Variants in ABCD2 observed in about 807,000 individuals in gnomAD.
ABCD2 encodes ATP binding cassette subfamily D member 2, also known as ATP-binding cassette sub-family D member 2.
ABCD2 carries 36 observed loss-of-function variants against 70.9 expected under a neutral mutation model. The ratio of observed to expected loss-of-function variants is 0.51; its 90% CI spans 0.39 to 0.67. The LOEUF is 0.67. Among genes scored for constraint, ABCD2 ranks in the 30% least tolerant of loss-of-function variants. The pLI is 0.00. For synonymous variants in ABCD2, 304 were observed against 306.9 expected (o/e 0.99, Z 0.10); for missense variants, 729 against 890.2 (o/e 0.82, Z 2.30).
At chr12:39,559,116 T>C (rs1941213414) in intron 9 of ABCD2, among the ~76,000 whole-genome samples, 1 of 152,136 alleles carries the variant, frequency 6.6e-6, no homozygotes. Flanking sequence ...CTCATGCCTG[T>C]AATCCCATCA....
chr12:39,577,557 T>A (rs11172676), intron 8 of ABCD2, among the ~76,000 whole-genome samples: 11,197 of 152,192 alleles, frequency 0.074, 598 homozygotes, highest in South Asian at 0.28. Context: ...AATTAAGAGA[T>A]GTAACAATAA....
chr12:39,561,942 T>C (rs1337753307), intron 9 of ABCD2, among the ~76,000 whole-genome samples: 1 of 152,154 alleles, frequency 6.6e-6, no homozygotes, highest in Non-Finnish European at 1.5e-5. Flanking sequence ...TGTAATGCCA[T>C]AAAACAAGTC....
chr12:39,559,647 C>T (rs1277820571), intron 9 of ABCD2, among the ~76,000 whole-genome samples: 1 of 151,834 alleles, frequency 6.6e-6, no homozygotes, highest in Admixed American at 6.6e-5. Flanking sequence ...AAAAATAACA[C>T]ATAAGGGAGT....
At chr12:39,532,042 A>G in the ABCD2 span, among the ~76,000 whole-genome samples, 1 of 152,240 alleles carries the variant, frequency 6.6e-6, no homozygotes, top group Non-Finnish European at 1.5e-5. Context: ...AGGTGGATTA[A>G]CAGGTATTGT....
chr12:39,536,596 G>T, the ABCD2 span, among the ~76,000 whole-genome samples: 1 of 152,188 alleles, frequency 6.6e-6, no homozygotes, highest in African/African-American at 2.4e-5. Context: ...GTAAAATGGG[G>T]AGGAGAGTTT....
In ABCD2 at chr12:39,607,579, A is replaced by G. The variant is rs1455141208; in HGVS notation, c.1236+20T>C. On this transcript the variant is annotated intron_variant, in intron 3 of 9. Transcript: ENST00000308666. ...CATAAATTTTATTTTAATTGAATTG[A>G]CAATAAGAAATGCAAGTACCTCTTT... is the stretch of plus-strand genomic sequence containing the variant. 1 of 1,510,584 alleles carries G rather than the reference A, an allele frequency of 6.6e-7. No homozygotes were observed. Among genetic ancestry groups the G allele is most frequent in the Non-Finnish European group, 9.1e-7 (1 of 1,098,184 alleles). 93.6% of individuals were successfully genotyped at this position (1,510,584 alleles called of 1,614,324 possible).
chr12:39,559,183 A>G lies in ABCD2; in HGVS notation c.2004-5052T>C, dbSNP rs139586756. On this transcript the variant is annotated intron_variant, in intron 9 of 9. Coordinates refer to ENST00000308666, the MANE Select transcript of ABCD2 (RefSeq NM_005164.4). ...AGGTCAGGAGTTCAAGACCAGCCTG[A>G]CCAACCTGGTGAAACCCTGTCTCTA... 5.5e-4 allele frequency among the ~76,000 whole-genome samples: 84 copies of G among 151,656 alleles called. No homozygotes were observed. The East Asian group carries it at 7.6e-3, about 14-fold the overall frequency.
chr12:39,553,477 A>G lies in ABCD2; in HGVS notation c.*435T>C, dbSNP rs1941116940. The G allele has an allele frequency of 6.5e-6, 1 of 154,140 alleles. No homozygotes were observed. Among genetic ancestry groups the G allele is most frequent in the South Asian group, 2.1e-4 (1 of 4,872 alleles). The allele number at this position is 154,140 out of a possible 1,614,324, so 9.5% of individuals were successfully genotyped here. ...AATCAATTTGAATTCTAGCTATTAA[A>G]CCTAATATCAACCATAAATGGACTA... On this transcript the variant is annotated 3_prime_UTR_variant, in exon 10 of 10. Transcript: ENST00000308666.
At chr12:39,544,395 T>A in the ABCD2 span, among the ~76,000 whole-genome samples, 27 of 152,186 alleles carry the variant, frequency 1.8e-4, no homozygotes, top group African/African-American at 6.3e-4. Flanking sequence ...TAATTTCTAA[T>A]CTTGTGGCTA....
At chr12:39,599,125 A>T (rs993731919) in intron 6 of ABCD2, among the ~76,000 whole-genome samples, 1 of 152,138 alleles carries the variant, frequency 6.6e-6, no homozygotes, top group East Asian at 1.9e-4. Flanking sequence ...TTTCCTAGTG[A>T]TTTTTGTTTG....
the ABCD2 span, among the ~76,000 whole-genome samples, chr12:39,537,163 A>G: frequency 1.9e-4 from 29 of 152,104 alleles, no homozygotes; most frequent in Non-Finnish European, 1.6e-4. Context: ...AGACACACAC[A>G]TGCATTGCAC....
rs1941069533 is a variant in ABCD2 at position 39,550,284 on chromosome 12, T to C, written c.*3628A>G. ...TTTGTAAAAATGGAATAATTTGTAA[T>C]TCCTTTGATTAATCTAGTCTTTTTC... On this transcript the variant is annotated 3_prime_UTR_variant, in exon 10 of 10. Transcript: ENST00000308666. The C allele has an allele frequency of 6.6e-6, 1 of 151,762 alleles. No homozygotes were observed. The highest frequency in any genetic ancestry group is 1.5e-5 in the Non-Finnish European group (1 of 67,754). 9.4% of individuals were successfully genotyped at this position (151,762 alleles called of 1,614,324 possible).
chr12:39,579,644 T>A (rs764528873), intron 7 of ABCD2, 25 bp from the exon 8 acceptor site: 1 of 1,531,062 alleles, frequency 6.5e-7, no homozygotes. Context: ...AAAATATACA[T>A]TTTTATAAAT....
chr12:39,534,768 AAG>A, the ABCD2 span, among the ~76,000 whole-genome samples: 432 of 33,786 alleles, frequency 0.013, 3 homozygotes, highest in Middle Eastern at 0.045. Context: ...AAGAGAAAGA[AAG>A]AAAGAAAGAA....
At position 39,561,120 on chromosome 12, in the gene ABCD2, G is replaced by C. The variant is rs1430659626; in HGVS notation, c.2004-6989C>G. Among the ~76,000 whole-genome samples, 4 of 152,060 alleles carry C rather than the reference G, an allele frequency of 2.6e-5. No homozygotes were observed. The East Asian group carries it at 7.7e-4, about 29-fold the overall frequency. ...TTAAAACACATAGTTTCTGGGCCAG[G>C]TGCAGTGGCTCACGTCTGTAATCTC... is the stretch of plus-strand genomic sequence containing the variant. On this transcript the variant is annotated intron_variant, in intron 9 of 9. Coordinates refer to ENST00000308666, the MANE Select transcript of ABCD2 (RefSeq NM_005164.4).
intron 9 of ABCD2, among the ~76,000 whole-genome samples, chr12:39,559,992 G>A (rs1941230123): frequency 6.6e-6 from 1 of 152,106 alleles, no homozygotes; most frequent in African/African-American, 2.4e-5. Flanking sequence ...ATAATATAAA[G>A]GGGTTATGTA....
chr12:39,560,155 C>T (rs1451645553), intron 9 of ABCD2, among the ~76,000 whole-genome samples: 1 of 152,148 alleles, frequency 6.6e-6, no homozygotes, highest in East Asian at 1.9e-4. Context: ...TGCTATCTCT[C>T]CCTGCTGCCC....
At chr12:39,577,641 G>A (rs1055458116) in intron 8 of ABCD2, among the ~76,000 whole-genome samples, 13 of 151,948 alleles carry the variant, frequency 8.6e-5, no homozygotes, top group Admixed American at 5.9e-4. Context: ...GAGACAATTA[G>A]GGAAACTTTG....
intron 8 of ABCD2, among the ~76,000 whole-genome samples, chr12:39,574,801 TC>T (rs1426107948): frequency 6.6e-6 from 1 of 152,182 alleles, no homozygotes; most frequent in Non-Finnish European, 1.5e-5. Flanking sequence ...ATCAGTAATT[TC>T]TTATCAGAAT....
Sources: allele counts gnomAD v4.1 joint callset (sites outside exome capture counted in the v4.1 genomes callset), GRCh38; gene constraint gnomAD v4.1.1; transcripts MANE v1.5; gene names NCBI Gene and HGNC (gene_info 2026-07-23, HGNC 2026-07-21).